TWF2: variants seen among roughly 807,000 people sequenced by gnomAD.
TWF2 encodes the protein twinfilin actin binding protein 2.
Under a neutral mutation model 45.1 loss-of-function variants are expected in TWF2, and 15 were observed. The observed-to-expected ratio is 0.33, with a 90% confidence interval of 0.22 to 0.51. TWF2 has a LOEUF of 0.51. TWF2 is among the 20% of genes least tolerant of loss of function. TWF2 has a pLI of 0.97. For missense variants in TWF2, 423 were observed against 469.1 expected (o/e 0.90, Z 0.91); for synonymous variants, 177 against 195.8 (o/e 0.90, Z 0.80).
At chr3:52,235,987 G>C (rs1370574317) in intron 1 of TWF2, among the ~76,000 whole-genome samples, 1 of 152,100 alleles carries the variant, frequency 6.6e-6, no homozygotes, top group Admixed American at 6.6e-5. Flanking sequence ...AGAAGGAATG[G>C]CTCCCCGAAA....
rs973702290 is a variant in TWF2, at chr3:52,231,684, G to T, written c.283-145C>A. 19 of 1,029,556 alleles carry T rather than the reference G, an allele frequency of 1.8e-5. No homozygotes were observed. The African/African-American group carries it at 3.1e-4, about 17-fold the overall frequency. The allele number at this position is 1,029,556 out of a possible 1,614,324, so 63.8% of individuals were successfully genotyped here. A position where few individuals can be genotyped will look rare whatever the true frequency, so the allele number is the denominator to read the frequency against. ...AGCCCGGGGCCAGGACGCAGCAGGT[G>T]GCCCCCACCAGCAGGGGGAGCCCTC... On this transcript the variant is annotated intron_variant, in intron 3 of 8. Transcript: ENST00000305533.
At chr3:52,234,939 AG>A in intron 2 of TWF2, 89 bp downstream of exon 2, 1 of 1,458,790 alleles carries the variant, frequency 6.9e-7, no homozygotes, top group Non-Finnish European at 9.5e-7. Context: ...AGGTCCCGGC[AG>A]GCCAGGGGCC....
chr3:52,238,881 A>G, intron 1 of TWF2, 111 bp downstream of exon 1: 1 of 1,385,212 alleles, frequency 7.2e-7, no homozygotes, highest in Non-Finnish European at 9.6e-7. Context: ...AAAAGAGAAC[A>G]GGAAGCTTTC....
At chr3:52,238,302 A>C (rs1048632332) in intron 1 of TWF2, among the ~76,000 whole-genome samples, 5 of 152,234 alleles carry the variant, frequency 3.3e-5, no homozygotes, top group African/African-American at 4.8e-5. Context: ...GGTCAAGGTC[A>C]GATAGGCAGC....
At position 52,229,939 on chromosome 3, in the gene TWF2, G is replaced by A. The variant is rs756643412; in HGVS notation, c.741C>T (p.Gly247=). Residue 247 remains glycine (G), a synonymous_variant, in exon 7 of 9, where the codon GGC becomes GGT. Transcript: ENST00000305533. ...HFFLYKHTHE[G]DPLESVVFIY... ...ACTCACCTACAGACTCAAGGGGGTC[G>A]CCCTCATGGGTGTGCTTGTAGAGGA... 29 of 1,612,378 alleles carry A rather than the reference G, an allele frequency of 1.8e-5. No individual in the cohort carries two copies. Among genetic ancestry groups the A allele is most frequent in the East Asian group, 4.5e-5 (2 of 44,878 alleles).
chr3:52,239,064 C>A lies in TWF2; in HGVS notation c.-48G>T, dbSNP rs1450248924. The A allele has an allele frequency of 6.3e-7, 1 of 1,584,082 alleles. No homozygotes were observed. The highest frequency in any genetic ancestry group is 1.1e-5 in the South Asian group (1 of 89,334). ...GCGCCGTCGGAGCCCTCCGCTTGAC[C>A]CTGGCCCGGCAACGCTCGCTGGACC... On this transcript the variant is annotated 5_prime_UTR_variant, in exon 1 of 9. Transcript: ENST00000305533.
chr3:52,231,258 C>T (rs1699674973), intron 4 of TWF2, 27 bp from the exon 5 acceptor site: 1 of 1,612,462 alleles, frequency 6.2e-7, no homozygotes, highest in Admixed American at 1.7e-5. Context: ...GAATGCAGAG[C>T]CATAAATGGG....
intron 1 of TWF2, among the ~76,000 whole-genome samples, chr3:52,238,312 C>T (rs553076304): frequency 6.6e-6 from 1 of 152,336 alleles, no homozygotes; most frequent in South Asian, 2.1e-4. Context: ...AGATAGGCAG[C>T]TTTCTCCATC....
intron 7 of TWF2, 65 bp from the exon 8 acceptor site, chr3:52,229,847 A>T: frequency 1.9e-6 from 3 of 1,595,092 alleles, no homozygotes; most frequent in Non-Finnish European, 2.6e-6. Flanking sequence ...CACCCAGAGC[A>T]GGCCTGCCCC....
Position 52,239,096 on chromosome 3 carries a change from G to T in TWF2, c.-80C>A. On this transcript the variant is annotated 5_prime_UTR_variant, in exon 1 of 9. Transcript: ENST00000305533. ...CGGCAACGCTCGCTGGACCAAGAGA[G>T]GTGGAGGATGTGGCGGAGGCTGTCG... 5.3e-6 allele frequency: 8 copies of T among 1,519,760 alleles called. No homozygotes were observed. Among genetic ancestry groups the T allele is most frequent in the Non-Finnish European group, 7.1e-6 (8 of 1,133,864 alleles). The allele number at this position is 1,519,760 out of a possible 1,614,324, so 94.1% of individuals were successfully genotyped here. A position where few individuals can be genotyped will look rare whatever the true frequency, so the allele number is the denominator to read the frequency against.
chr3:52,231,485 C>T lies in TWF2; in HGVS notation c.337G>A (p.Gly113Arg). 1 of 1,614,068 alleles carries T rather than the reference C, an allele frequency of 6.2e-7. No homozygotes were observed. The highest frequency in any genetic ancestry group is 8.5e-7 in the Non-Finnish European group (1 of 1,179,968). The change falls in exon 4 of 9, where the codon GGA becomes AGA. Residue 113 changes from glycine (G) to arginine (R), a missense_variant. Physicochemically the swap from Gly to Arg is moderately radical, Grantham distance 125. Transcript: ENST00000305533. ...AGCTCATCCTTGATGTGGCCACCTC[C>T]AAACTCCTTTTTCACTGTGGCCCGC... ...ATRATVKKEF[G>R]GGHIKDELFG...
chr3:52,229,625 G>A, intron 8 of TWF2, 36 bp downstream of exon 8: 1 of 1,610,292 alleles, frequency 6.2e-7, no homozygotes, highest in Non-Finnish European at 8.5e-7. Context: ...GGAGTGATAG[G>A]GCCTGGGGAG....
rs641606 is a variant in TWF2 at position 52,231,448 on chromosome 3, A to G, written c.374T>C (p.Val125Ala). 1 of 1,613,772 alleles carries G rather than the reference A, an allele frequency of 6.2e-7. No homozygotes were observed. Among genetic ancestry groups the G allele is most frequent in the South Asian group, 1.1e-5 (1 of 91,062 alleles). Residue 125 changes from valine (V) to alanine (A), a missense_variant, in exon 4 of 9, where the codon GTG becomes GCG. By Grantham distance (64) the Val-to-Ala change is moderately conservative. Coordinates refer to ENST00000305533, the MANE Select transcript of TWF2 (RefSeq NM_007284.4). ...GHIKDELFGT[V>A]KDDLSFAGYQ... ...TAAGTCCTGGCTTAGGATTACCTTC[A>G]CAGTCCCGAAGAGCTCATCCTTGAT... is the stretch of plus-strand genomic sequence containing the variant.
Position 52,231,996 on chromosome 3 carries a change from T to C in TWF2, c.230A>G (p.Asn77Ser). Residue 77 changes from asparagine to serine, a missense_variant, in exon 3 of 9, where the codon AAT becomes AGT. Asn to Ser is a conservative substitution (Grantham distance 46). Transcript: ENST00000305533. ...GAAGAGCCATTCGAAGCCCTGAGCA[T>C]TCTGTGAGTCGAGGCGGTAGAGCAG... ...CYLLYRLDSQ[N>S]AQGFEWLFLA... 1 of 1,614,056 alleles carries C rather than the reference T, an allele frequency of 6.2e-7. No homozygotes were observed.
chr3:52,229,652 GGC>G lies in TWF2; in HGVS notation c.882+7_882+8del. On this transcript the variant is annotated splice_region_variant and intron_variant, in intron 8 of 8. Coordinates refer to ENST00000305533, the MANE Select transcript of TWF2 (RefSeq NM_007284.4). ...CCTGGGGAGGTGAGGCCCTGGGGAG[GGC>G]GCCTACTTTCTTGGCGATCTCCAGA... The G allele has an allele frequency of 1.9e-6, 3 of 1,613,112 alleles. No individual in the cohort carries two copies. The South Asian group carries it at 3.3e-5, about 18-fold the overall frequency.
intron 2 of TWF2, 77 bp downstream of exon 2, chr3:52,234,952 A>G (rs1699711183): frequency 6.5e-7 from 1 of 1,545,890 alleles, no homozygotes; most frequent in East Asian, 2.2e-5. Flanking sequence ...CCAGGGGCCA[A>G]CATCCTCCTT....
Position 52,230,885 on chromosome 3 carries a change from G to T in TWF2, c.594C>A (p.Val198=). ...AGGCACCCACCATCTGGATGTAGTTGACCATTTTCTGCTTGAGCTGCTGGA... is the reference window on the plus strand; with the variant it reads ...AGGCACCCACCATCTGGATGTAGTTTACCATTTTCTGCTTGAGCTGCTGGA... ...RALQQLKQKM[V]NYIQMKLDLE... Residue 198 remains valine (V), a synonymous_variant, in exon 6 of 9, where the codon GTC becomes GTA. Transcript: ENST00000305533. 6.2e-7 allele frequency: 1 copy of T among 1,611,572 alleles called. No homozygotes were observed. The highest frequency in any genetic ancestry group is 1.1e-5 in the South Asian group (1 of 90,640).
intron 5 of TWF2, 29 bp from the exon 6 acceptor site, chr3:52,231,024 C>A: frequency 6.2e-7 from 1 of 1,609,364 alleles, no homozygotes; most frequent in South Asian, 1.1e-5. Flanking sequence ...TGAGGGAGGC[C>A]CTCACCGGCC....
rs367724783 is a variant in TWF2, at chr3:52,236,132, C to G, written c.26-1026G>C. Among the ~76,000 whole-genome samples, 4 of 152,158 alleles carry G rather than the reference C, an allele frequency of 2.6e-5. No homozygotes were observed. The East Asian group carries it at 7.7e-4, about 29-fold the overall frequency. On this transcript the variant is annotated intron_variant, in intron 1 of 8. Coordinates refer to ENST00000305533, the MANE Select transcript of TWF2 (RefSeq NM_007284.4). The stretch of plus-strand genomic sequence containing the variant: ...CCTGGCCAACATGGCAAAACCCCAT[C>G]TCTACTAAAAATACAAAAATTAGCC...
Sources: gnomAD v4.1 joint callset for allele counts (sites outside exome capture counted in the v4.1 genomes callset) on GRCh38, gnomAD v4.1.1 for gene constraint, MANE v1.5 for transcripts, NCBI Gene and HGNC (gene_info 2026-07-23, HGNC 2026-07-21) for gene names.